The following SERPINA11 variants were observed in gnomAD, a reference collection of about 807,000 sequenced individuals.
SERPINA11 encodes the protein serpin A11.
SERPINA11 carries 28 observed loss-of-function variants against 29.4 expected under a neutral mutation model. The ratio of observed to expected loss-of-function variants is 0.95; its 90% confidence interval spans 0.70 to 1.30. SERPINA11 has a LOEUF of 1.30. SERPINA11 is among the 50% of genes most tolerant of loss of function. The pLI, the probability that SERPINA11 is intolerant of heterozygous loss-of-function variation, is 0.00. For missense variants in SERPINA11, 530 were observed against 507.3 expected (o/e 1.04, Z -0.43); for synonymous variants, 253 against 206.6 (o/e 1.22, Z -1.92).
rs368860261 is a variant in SERPINA11 at position 94,446,129 on chromosome 14, C to G, written c.917+202G>C. 1.1e-4 allele frequency among the ~76,000 whole-genome samples: 16 copies of G among 152,272 alleles called. No homozygotes were observed. In the East Asian group the frequency reaches 2.5e-3, roughly 24 times the overall value. On this transcript the variant is annotated intron_variant, in intron 3 of 4. Coordinates refer to ENST00000334708, the MANE Select transcript of SERPINA11 (RefSeq NM_001080451.2). ...GAAACTCAATGAATCTACTGAGCAA[C>G]CCAATGAGGCAGGTATCATGTTCTT...
chr14:94,450,943 C>A (rs1566785266), intron 1 of SERPINA11, among the ~76,000 whole-genome samples: 1 of 152,114 alleles, frequency 6.6e-6, no homozygotes, highest in African/African-American at 2.4e-5. Context: ...CTACTGGGAC[C>A]CTCCCAAATC....
intron 3 of SERPINA11, among the ~76,000 whole-genome samples, chr14:94,444,854 C>A (rs1898407543): frequency 6.6e-6 from 1 of 152,160 alleles, no homozygotes; most frequent in African/African-American, 2.4e-5. Context: ...CCCCTTGAAT[C>A]TGGGTGGGCT....
chr14:94,448,073 G>A (rs1898480157), intron 2 of SERPINA11, 59 bp downstream of exon 2: 6 of 1,522,814 alleles, frequency 3.9e-6, no homozygotes, highest in Non-Finnish European at 5.4e-6. Context: ...CTGGCTCTCT[G>A]CTGTAAGAGC....
chr14:94,446,741 AC>A, intron 2 of SERPINA11, 137 bp from the exon 3 acceptor site: 1 of 819,286 alleles, frequency 1.2e-6, no homozygotes. Context: ...GAGCCAGGAG[AC>A]CAGAATTTAG....
rs201023236 is a variant in SERPINA11 at position 94,449,537 on chromosome 14, TTCTTTCTC to T, written c.-3-768_-3-761del. ...TCTTTCTTTCTTTCTTTTTCTTTCT[TTCTTTCTC>T]TTTCTCTTTCTTTCTTTCTTTCCTT... On this transcript the variant is annotated intron_variant, in intron 1 of 4. Transcript: ENST00000334708. Among the ~76,000 whole-genome samples, 152 of 148,234 alleles carry T rather than the reference TTCTTTCTC, an allele frequency of 1.0e-3. 5 individuals carry two copies. The East Asian group carries it at 0.028, about 27-fold the overall frequency.
intron 2 of SERPINA11, 92 bp downstream of exon 2, chr14:94,448,040 G>T: frequency 8.1e-7 from 1 of 1,229,456 alleles, no homozygotes. Context: ...ATTTCCCCAA[G>T]TGGTTAGCAA....
At chr14:94,446,137 G>A (rs1898432199) in intron 3 of SERPINA11, among the ~76,000 whole-genome samples, 194 bp downstream of exon 3, 2 of 152,154 alleles carry the variant, frequency 1.3e-5, no homozygotes, top group Non-Finnish European at 2.9e-5. Context: ...AACCCAATGA[G>A]GCAGGTATCA....
rs17090868 is a variant in SERPINA11 at position 94,443,274 on chromosome 14, C to T, written c.918-49G>A. On this transcript the variant is annotated intron_variant, in intron 3 of 4. Transcript: ENST00000334708. ...AATGGTGCTCTCTTGTTAATATGTG[C>T]CACTCCTGCTCTGTCTGTCGGCAGC... is the stretch of plus-strand genomic sequence containing the variant. 6.4e-3 allele frequency: 10,030 copies of T among 1,576,480 alleles called. 395 individuals are homozygous for T. In the African/African-American group the frequency reaches 0.1, roughly 16 times the overall value.
intron 3 of SERPINA11, among the ~76,000 whole-genome samples, chr14:94,445,796 C>T (rs2010144): frequency 0.4 from 60,338 of 151,934 alleles, 13,030 homozygotes; most frequent in African/African-American, 0.57. Flanking sequence ...AAGCTAGTCT[C>T]AAACTCCTGG....
chr14:94,449,075 G>C (rs1033494291), intron 1 of SERPINA11, among the ~76,000 whole-genome samples: 1 of 152,212 alleles, frequency 6.6e-6, no homozygotes. Context: ...TCCTGGCCAG[G>C]CATGTTGGCT....
Position 94,443,140 on chromosome 14 carries a change from T to A in SERPINA11, c.1003A>T (p.Ile335Leu), listed in dbSNP as rs146470027. ...DILPQIGLTN[I>L]LNLEADFSGV... The stretch of plus-strand genomic sequence containing the variant: ...GAGAAGTCAGCTTCTAAGTTGAGTA[T>A]GTTGGTGAGACCAATTTGGGGAAGT... The change falls in exon 4 of 5, where the codon ATA becomes TTA. Residue 335 changes from isoleucine (I) to leucine (L), a missense_variant. Transcript: ENST00000334708. 6.2e-7 allele frequency: 1 copy of A among 1,614,166 alleles called. No individual in the cohort carries two copies. The highest frequency in any genetic ancestry group is 1.1e-5 in the South Asian group (1 of 91,062).
Position 94,446,552 on chromosome 14 carries a change from G to C in SERPINA11, c.696C>G (p.Phe232Leu). 2 of 1,614,206 alleles carry C rather than the reference G, an allele frequency of 1.2e-6. No individual in the cohort carries two copies. The highest frequency in any genetic ancestry group is 1.7e-6 in the Non-Finnish European group (2 of 1,180,034). The stretch of plus-strand genomic sequence containing the variant: ...GGAGAGAAGTCCTCTCATCCACAAA[G>C]AAACTTTCCTGCTTCTGGGTCTGGT... Reference protein sequence around the residue: ...SRYQTQKQESFFVDERTSLQV... With the variant: ...SRYQTQKQESLFVDERTSLQV... Residue 232 changes from phenylalanine (F) to leucine (L), a missense_variant, in exon 3 of 5, where the codon TTC becomes TTG. By Grantham distance (22) the Phe-to-Leu change is conservative. Transcript: ENST00000334708.
chr14:94,447,303 C>A (rs761975961), intron 2 of SERPINA11, among the ~76,000 whole-genome samples: 1 of 152,304 alleles, frequency 6.6e-6, no homozygotes, highest in South Asian at 2.1e-4. Context: ...CCACAAACAC[C>A]TCTTGCAAGC....
chr14:94,448,879 G>A (rs1380263865), intron 1 of SERPINA11, 102 bp from the exon 2 acceptor site: 2 of 1,124,346 alleles, frequency 1.8e-6, no homozygotes, highest in Non-Finnish European at 2.4e-6. Flanking sequence ...GCCCCACAGG[G>A]CTGCCATGAG....
chr14:94,449,672 C>T (rs1276669626), intron 1 of SERPINA11, among the ~76,000 whole-genome samples: 5 of 150,942 alleles, frequency 3.3e-5, no homozygotes, highest in African/African-American at 1.2e-4. Context: ...CTGCCTGGTC[C>T]AAGAGGTAGC....
rs138944582 is a variant in SERPINA11, at chr14:94,450,760, A to T, written c.-4+1969T>A. Among the ~76,000 whole-genome samples the T allele has an allele frequency of 5.4e-3, 827 of 152,180 alleles. 13 individuals carry two copies. The highest frequency in any genetic ancestry group is 0.014 in the Middle Eastern group (4 of 294). On this transcript the variant is annotated intron_variant, in intron 1 of 4. Coordinates refer to ENST00000334708, the MANE Select transcript of SERPINA11 (RefSeq NM_001080451.2). Reference sequence around the variant, plus strand: ...ATCAAAGTGGTACAGGAGCAGGAAGACCCCTTGTTTTAGGGCTGGGAATGC... The same window carrying T: ...ATCAAAGTGGTACAGGAGCAGGAAGTCCCCTTGTTTTAGGGCTGGGAATGC...
In SERPINA11 at chr14:94,448,714, G is replaced by C; in HGVS notation, c.61C>G (p.Pro21Ala). Reference protein sequence around the residue: ...TGILASVHCQPLLAHGDKSLQ... With the variant: ...TGILASVHCQALLAHGDKSLQ... ...CTTTTATCTCCATGGGCAAGAAGGG[G>C]CTGACAGTGGACAGAGGCCAGGATC... The change falls in exon 2 of 5, where the codon CCC (proline) becomes GCC (alanine). Residue 21 changes from proline to alanine, a missense_variant. Transcript: ENST00000334708. The C allele has an allele frequency of 6.5e-7, 1 of 1,529,632 alleles. No homozygotes were observed. The highest frequency in any genetic ancestry group is 1.3e-5 in the South Asian group (1 of 76,710). The allele number at this position is 1,529,632 out of a possible 1,614,324, so 94.8% of individuals were successfully genotyped here.
At position 94,443,028 on chromosome 14, in the gene SERPINA11, C is replaced by A. The variant is rs368118035; in HGVS notation, c.1065+50G>T. The A allele has an allele frequency of 2.7e-5, 43 of 1,566,386 alleles. No homozygotes were observed. The African/African-American group carries it at 3.2e-4, about 11-fold the overall frequency. On this transcript the variant is annotated intron_variant, in intron 4 of 4. Transcript: ENST00000334708. The stretch of plus-strand genomic sequence containing the variant: ...AATGTCCCACATGCCAAAGGAGAAA[C>A]CTCCTACCTACCCCCACCTGCCCAC...
intron 4 of SERPINA11, 27 bp downstream of exon 4, chr14:94,443,051 C>A: frequency 6.3e-7 from 1 of 1,592,156 alleles, no homozygotes. Flanking sequence ...CCCACCTGCC[C>A]ACAAACATCC....
Sources: allele counts gnomAD v4.1 joint callset (sites outside exome capture counted in the v4.1 genomes callset), GRCh38; gene constraint gnomAD v4.1.1; transcripts MANE v1.5; gene names NCBI Gene and HGNC (gene_info 2026-07-23, HGNC 2026-07-21).